Variants in CDH23 observed in about 807,000 individuals in gnomAD.
CDH23 encodes cadherin-23.
In CDH23, 189 loss-of-function variants were observed where a neutral mutation model predicts 317.1. The observed-to-expected ratio is 0.60, with a 90% CI of 0.53 to 0.67. The LOEUF (loss-of-function observed/expected upper bound fraction) is 0.67, where lower values mean the gene tolerates loss of function less well. CDH23 is among the 30% of genes least tolerant of loss of function. CDH23 has a pLI of 0.00. For missense variants in CDH23, 4,401 were observed against 4,592.4 expected (o/e 0.96, Z 1.20); for synonymous variants, 1,839 against 1,876.8 (o/e 0.98, Z 0.52).
At chr10:71,797,277 G>C in intron 49 of CDH23, 57 bp downstream of exon 49, 4 of 1,252,682 alleles carry the variant, frequency 3.2e-6, no homozygotes, top group Non-Finnish European at 4.6e-6. Context: ...AGGGCAGGGG[G>C]CAGGTGGGGA....
intron 67 of CDH23, 38 bp from the exon 68 acceptor site, chr10:71,812,730 G>T: frequency 1.2e-6 from 2 of 1,612,736 alleles, no homozygotes; most frequent in Non-Finnish European, 1.7e-6. Flanking sequence ...ATGTGTGTGG[G>T]GTCTGCCTCT....
intron 18 of CDH23, among the ~76,000 whole-genome samples, chr10:71,684,154 A>C (rs1864776492): frequency 1.3e-5 from 2 of 151,884 alleles, no homozygotes; most frequent in South Asian, 4.2e-4. Flanking sequence ...CCCACCTAGA[A>C]ACACCGAGGG....
intron 38 of CDH23, among the ~76,000 whole-genome samples, chr10:71,765,093 C>T (rs374259115): frequency 2.0e-5 from 3 of 152,310 alleles, no homozygotes; most frequent in African/African-American, 4.8e-5. Context: ...GGCTCTCCCA[C>T]GTACTCCCAG....
chr10:71,723,318 G>T (rs1303572286), intron 28 of CDH23, among the ~76,000 whole-genome samples: 3 of 152,160 alleles, frequency 2.0e-5, no homozygotes, highest in Non-Finnish European at 4.4e-5. Flanking sequence ...TCATGTTGGG[G>T]TCAGCTATGG....
chr10:71,553,647 T>G (rs371855353), intron 6 of CDH23, among the ~76,000 whole-genome samples: 5 of 152,212 alleles, frequency 3.3e-5, no homozygotes, highest in Non-Finnish European at 7.3e-5. Flanking sequence ...GGAGCTGTCT[T>G]CTTATTCAGA....
chr10:71,530,731 C>A (rs1855325312), intron 6 of CDH23, among the ~76,000 whole-genome samples: 1 of 152,250 alleles, frequency 6.6e-6, no homozygotes, highest in Admixed American at 6.5e-5. Flanking sequence ...ATCTCCCCAA[C>A]CTTCTGTCCG....
chr10:71,520,552 C>T (rs1214851224), intron 6 of CDH23, among the ~76,000 whole-genome samples: 1 of 152,204 alleles, frequency 6.6e-6, no homozygotes, highest in East Asian at 1.9e-4. Context: ...AAACGGAGCT[C>T]AGCCCTGGGC....
rs1841042996 is a variant in CDH23 at position 71,784,439 on chromosome 10, C to T, written c.5502+19C>T. Reference sequence around the variant, plus strand: ...CTCCACAGTGAGTCTGGGGGCCCCACCCGCTGGCTTCACCTCGCTGCCCCT... The same window carrying T: ...CTCCACAGTGAGTCTGGGGGCCCCATCCGCTGGCTTCACCTCGCTGCCCCT... On this transcript the variant is annotated intron_variant, in intron 42 of 69. Transcript: ENST00000224721. The T allele has an allele frequency of 6.2e-7, 1 of 1,608,906 alleles. No individual in the cohort carries two copies.
chr10:71,593,483 G>A (rs1045094845), intron 9 of CDH23, among the ~76,000 whole-genome samples: 12 of 152,230 alleles, frequency 7.9e-5, no homozygotes, highest in African/African-American at 2.9e-4. Context: ...CGTCAAAGGA[G>A]TTCCAATTCA....
At chr10:71,429,870 C>T (rs534431893) in intron 1 of CDH23, among the ~76,000 whole-genome samples, 1 of 152,292 alleles carries the variant, frequency 6.6e-6, no homozygotes, top group South Asian at 2.1e-4. Context: ...CTTCTGGCAG[C>T]AGGAGGACAA....
chr10:71,803,722 C>T (rs976432253), intron 55 of CDH23, among the ~76,000 whole-genome samples: 2 of 149,694 alleles, frequency 1.3e-5, no homozygotes, highest in Non-Finnish European at 2.9e-5. Context: ...ATAATCCCAG[C>T]ACTTTGGGAG....
chr10:71,814,335 A>C (rs150187598), intron 69 of CDH23, among the ~76,000 whole-genome samples: 1 of 152,242 alleles, frequency 6.6e-6, no homozygotes, highest in African/African-American at 2.4e-5. Context: ...GGATCACTTG[A>C]GCCCAGGAGT....
At chr10:71,584,699 T>C (rs919124721) in intron 9 of CDH23, among the ~76,000 whole-genome samples, 1 of 152,194 alleles carries the variant, frequency 6.6e-6, no homozygotes, top group African/African-American at 2.4e-5. Context: ...GAGACCATCG[T>C]GCGAAACACT....
chr10:71,646,980 G>T (rs1862925186), intron 14 of CDH23: 1 of 985,356 alleles, frequency 1.0e-6, no homozygotes, highest in South Asian at 4.7e-5. Context: ...CTCCATGTGA[G>T]CACAGGCACC....
chr10:71,447,697 C>T (rs888432751), intron 3 of CDH23, among the ~76,000 whole-genome samples: 5 of 152,200 alleles, frequency 3.3e-5, no homozygotes, highest in African/African-American at 1.2e-4. Flanking sequence ...GGAATGCCCT[C>T]TCATAGGCAG....
chr10:71,568,242 C>A (rs1857523051), intron 7 of CDH23, among the ~76,000 whole-genome samples: 1 of 152,166 alleles, frequency 6.6e-6, no homozygotes. Flanking sequence ...GTAAAACTGA[C>A]CTCAGAGGTC....
chr10:71,651,331 A>C (rs12763828), intron 14 of CDH23, among the ~76,000 whole-genome samples: 52,148 of 148,172 alleles, frequency 0.35, 9,915 homozygotes, highest in Non-Finnish European at 0.44. Flanking sequence ...GGAGTTCAAG[A>C]TCAGCCTGGG....
At chr10:71,619,934 G>A (rs1018119150) in intron 11 of CDH23, among the ~76,000 whole-genome samples, 1 of 152,120 alleles carries the variant, frequency 6.6e-6, no homozygotes, top group African/African-American at 2.4e-5. Context: ...GCCTCACTTT[G>A]TTCATTTGTT....
intron 57 of CDH23, 66 bp downstream of exon 57, chr10:71,806,347 C>A (rs570261325): frequency 9.2e-6 from 10 of 1,087,558 alleles, no homozygotes; most frequent in Non-Finnish European, 1.4e-5. Flanking sequence ...CAAGCACACA[C>A]TCTCCTATAT....
Sources: allele counts gnomAD v4.1 joint callset (sites outside exome capture counted in the v4.1 genomes callset), GRCh38; gene constraint gnomAD v4.1.1; transcripts MANE v1.5; gene names NCBI Gene and HGNC (gene_info 2026-07-23, HGNC 2026-07-21).